Variants in LRFN5 observed in about 807,000 individuals in gnomAD.
LRFN5 encodes leucine rich repeat and fibronectin type III domain containing 5.
A neutral mutation model predicts 45.6 loss-of-function variants in LRFN5; 24 were observed. The ratio of observed to expected loss-of-function variants is 0.53; its 90% CI spans 0.38 to 0.74. LRFN5 has a LOEUF of 0.74. LRFN5 is among the 30% of genes least tolerant of loss of function. LRFN5 has a pLI of 0.00. For missense variants in LRFN5, 776 were observed against 861.5 expected (o/e 0.90, Z 1.24); for synonymous variants, 340 against 313.8 (o/e 1.08, Z -0.88).
intron 2 of LRFN5, among the ~76,000 whole-genome samples, chr14:41,775,764 A>T (rs927659006): frequency 6.6e-6 from 1 of 152,208 alleles, no homozygotes; most frequent in African/African-American, 2.4e-5. Flanking sequence ...CTCTCGTTAT[A>T]AAAAAGGAGG....
chr14:41,772,048 G>C (rs541822157), intron 2 of LRFN5, among the ~76,000 whole-genome samples: 1 of 152,284 alleles, frequency 6.6e-6, no homozygotes, highest in South Asian at 2.1e-4. Context: ...GCCTTAGGAA[G>C]CTTACCGTCA....
chr14:41,673,724 C>T (rs1319447542), intron 1 of LRFN5, among the ~76,000 whole-genome samples: 3 of 140,400 alleles, frequency 2.1e-5, no homozygotes, highest in Non-Finnish European at 4.7e-5. Context: ...CAGAGGGGCT[C>T]CTCACTTCCC....
At chr14:41,844,053 A>C (rs1222404370) in intron 2 of LRFN5, among the ~76,000 whole-genome samples, 1 of 152,182 alleles carries the variant, frequency 6.6e-6, no homozygotes, top group Admixed American at 6.5e-5. Context: ...CAGATAACAA[A>C]CTCATGAACA....
chr14:41,899,333 C>T (rs1891036234), intron 5 of LRFN5, among the ~76,000 whole-genome samples: 1 of 152,082 alleles, frequency 6.6e-6, no homozygotes, highest in African/African-American at 2.4e-5. Flanking sequence ...TATCCTTGAC[C>T]TCCACATCCT....
intron 1 of LRFN5, among the ~76,000 whole-genome samples, chr14:41,743,979 A>T (rs1377219114): frequency 6.6e-6 from 1 of 152,182 alleles, no homozygotes. Flanking sequence ...CTGGAATAAA[A>T]TCAGAGTCTT....
intron 2 of LRFN5, among the ~76,000 whole-genome samples, chr14:41,877,453 T>G (rs1890223668): frequency 6.6e-6 from 1 of 152,180 alleles, no homozygotes; most frequent in Admixed American, 6.5e-5. Context: ...AAATTTTGTT[T>G]CCTCATCTAT....
At chr14:41,646,245 A>G (rs1879814021) in intron 1 of LRFN5, among the ~76,000 whole-genome samples, 1 of 152,166 alleles carries the variant, frequency 6.6e-6, no homozygotes, top group African/African-American at 2.4e-5. Context: ...TAATGAAATG[A>G]TTTTTAATCT....
At chr14:41,626,264 T>C (rs992379861) in intron 1 of LRFN5, among the ~76,000 whole-genome samples, 2 of 152,146 alleles carry the variant, frequency 1.3e-5, no homozygotes, top group African/African-American at 4.8e-5. Flanking sequence ...CAGTATATGC[T>C]ACTTACTGTG....
chr14:41,738,294 T>C (rs61866668), intron 1 of LRFN5, among the ~76,000 whole-genome samples: 1 of 152,204 alleles, frequency 6.6e-6, no homozygotes, highest in Non-Finnish European at 1.5e-5. Flanking sequence ...GCTAGCCGTA[T>C]GCAGAAAACT....
intron 2 of LRFN5, among the ~76,000 whole-genome samples, chr14:41,829,562 T>C (rs1462484964): frequency 6.6e-6 from 1 of 151,946 alleles, no homozygotes; most frequent in Non-Finnish European, 1.5e-5. Flanking sequence ...ATGGTTGTGT[T>C]CCTCTTGATT....
intron 1 of LRFN5, among the ~76,000 whole-genome samples, chr14:41,711,937 GA>G (rs1883301793): frequency 6.6e-6 from 1 of 152,124 alleles, no homozygotes; most frequent in South Asian, 2.1e-4. Context: ...TGTATACTAT[GA>G]AAAATTGCCA....
At chr14:41,889,043 ATG>A (rs1566507219) in intron 3 of LRFN5, among the ~76,000 whole-genome samples, 1 of 148,880 alleles carries the variant, frequency 6.7e-6, no homozygotes, top group East Asian at 2.0e-4. Context: ...GTATATATAC[ATG>A]TGTGTATATA....
intron 2 of LRFN5, among the ~76,000 whole-genome samples, chr14:41,848,846 C>G (rs548270607): frequency 5.3e-4 from 81 of 152,104 alleles, no homozygotes; most frequent in African/African-American, 1.8e-3. Context: ...TGAAATTAGT[C>G]CTGAGTTTAA....
intron 1 of LRFN5, among the ~76,000 whole-genome samples, chr14:41,725,116 A>G (rs887100769): frequency 1.3e-5 from 2 of 152,192 alleles, no homozygotes; most frequent in East Asian, 3.8e-4. Context: ...TTATTGGCCC[A>G]TCGCCTTACA....
At chr14:41,823,324 A>G (rs1421074798) in intron 2 of LRFN5, among the ~76,000 whole-genome samples, 2 of 151,806 alleles carry the variant, frequency 1.3e-5, no homozygotes, top group East Asian at 3.9e-4. Context: ...TGTAGGGCTG[A>G]TCTAGCGGTG....
intron 1 of LRFN5, among the ~76,000 whole-genome samples, chr14:41,760,498 C>A (rs1885615234): frequency 6.6e-6 from 1 of 152,162 alleles, no homozygotes; most frequent in Admixed American, 6.5e-5. Context: ...AAAAATTGAT[C>A]TGGCTTCTAC....
intron 1 of LRFN5, among the ~76,000 whole-genome samples, chr14:41,686,041 A>G (rs118001347): frequency 0.011 from 1,750 of 152,276 alleles, 13 homozygotes; most frequent in Middle Eastern, 0.024. Flanking sequence ...CATGGAATCT[A>G]TAAATCGCTT....
At chr14:41,700,210 C>T (rs1054681294) in intron 1 of LRFN5, 1 of 151,822 alleles carries the variant, frequency 6.6e-6, no homozygotes, top group Non-Finnish European at 1.5e-5. Flanking sequence ...TATGGAGGGG[C>T]AGTAAGGGTT....
chr14:41,754,016 G>A (rs569346958), intron 1 of LRFN5, among the ~76,000 whole-genome samples: 1 of 152,302 alleles, frequency 6.6e-6, no homozygotes, highest in Admixed American at 6.5e-5. Context: ...CATCTATTGA[G>A]ATAAACATGT....
Sources: allele counts gnomAD v4.1 joint callset (sites outside exome capture counted in the v4.1 genomes callset), GRCh38; gene constraint gnomAD v4.1.1; transcripts MANE v1.5; gene names NCBI Gene and HGNC (gene_info 2026-07-23, HGNC 2026-07-21).